The following MBP variants were observed in gnomAD, a reference collection of about 807,000 sequenced individuals.
MBP encodes Golli-MBP.
MBP carries 16 observed loss-of-function variants against 35.8 expected under a neutral mutation model. The ratio of observed to expected loss-of-function variants is 0.45; its 90% CI spans 0.30 to 0.68. The LOEUF is 0.68. Among genes scored for constraint, MBP ranks in the 30% least tolerant of loss-of-function variants. The pLI is 0.08. For missense variants in MBP, 380 were observed against 404.7 expected (o/e 0.94, Z 0.52); for synonymous variants, 143 against 159.6 (o/e 0.90, Z 0.78).
chr18:76,997,842 C>T (rs1013179515), intron 4 of MBP, among the ~76,000 whole-genome samples: 12 of 152,274 alleles, frequency 7.9e-5, no homozygotes, highest in African/African-American at 2.2e-4. Flanking sequence ...CCACCACGCC[C>T]GGCTGATTTT....
chr18:76,997,715 CTT>C (rs1186565221), intron 4 of MBP, among the ~76,000 whole-genome samples: 7 of 150,912 alleles, frequency 4.6e-5, no homozygotes, highest in East Asian at 2.0e-4. Context: ...CGGAGTCTCA[CTT>C]TGTCCCCCAG....
Position 76,989,585 on chromosome 18 carries a change from GA to G in MBP, c.681+370del. The G allele has an allele frequency of 3.7e-6, 1 of 269,402 alleles. No individual in the cohort carries two copies. Among genetic ancestry groups the G allele is most frequent in the Non-Finnish European group, 7.2e-6 (1 of 138,464 alleles). 16.7% of individuals were successfully genotyped at this position (269,402 alleles called of 1,614,324 possible). A position where few individuals can be genotyped will look rare whatever the true frequency, so the allele number is the denominator to read the frequency against. ...CCTCGACAGAGCGGTTTCGCTGCCCGAAAAATGCCCTAAAAATGCCCTGTGC... is the reference window on the plus strand; with the variant it reads ...CCTCGACAGAGCGGTTTCGCTGCCCGAAAATGCCCTAAAAATGCCCTGTGC... On this transcript the variant is annotated intron_variant, in intron 5 of 8. Coordinates refer to ENST00000355994, the MANE Select transcript of MBP (RefSeq NM_001025101.2). The surrounding 1 kb of genome is among the most constrained non-coding windows in gnomAD (Gnocchi z 4.0).
chr18:77,008,280 G>A (rs1468516105), intron 4 of MBP, among the ~76,000 whole-genome samples: 1 of 152,118 alleles, frequency 6.6e-6, no homozygotes, highest in Non-Finnish European at 1.5e-5. Flanking sequence ...GGCAGGGGCT[G>A]GTGCATGCAG....
chr18:76,988,777 C>A lies in MBP; in HGVS notation c.717+100G>T. ...CTGGCAACACGTTTTGGGATGGATT[C>A]TGGTAGCTCGGAGCCTAACTCTCTC... On this transcript the variant is annotated intron_variant, in intron 6 of 8. Coordinates refer to ENST00000355994, the MANE Select transcript of MBP (RefSeq NM_001025101.2). This position sits in a 1 kb window ranked among gnomAD's most constrained non-coding sequence, Gnocchi z 5.2. 7.0e-7 allele frequency: 1 copy of A among 1,437,478 alleles called. No individual in the cohort carries two copies. The highest frequency in any genetic ancestry group is 1.9e-5 in the Admixed American group (1 of 51,458). The allele number at this position is 1,437,478 out of a possible 1,614,324, so 89.0% of individuals were successfully genotyped here.
chr18:77,022,203 C>T (rs887830585), intron 3 of MBP, among the ~76,000 whole-genome samples: 1 of 152,152 alleles, frequency 6.6e-6, no homozygotes, highest in Admixed American at 6.5e-5. Context: ...ACATACATTA[C>T]AGATGTTTGC....
chr18:77,039,413 C>A (rs747221704), intron 3 of MBP, among the ~76,000 whole-genome samples: 2 of 152,148 alleles, frequency 1.3e-5, no homozygotes, highest in Non-Finnish European at 2.9e-5. Context: ...ACTATTTGCA[C>A]TGTTGAAGCT....
chr18:76,995,360 C>T (rs570065593), intron 4 of MBP, among the ~76,000 whole-genome samples: 10 of 152,120 alleles, frequency 6.6e-5, no homozygotes, highest in African/African-American at 1.7e-4. Context: ...TATGGAAATC[C>T]GAGGGAGCAA....
chr18:77,037,347 A>T (rs1371069403), intron 3 of MBP, among the ~76,000 whole-genome samples: 1 of 152,232 alleles, frequency 6.6e-6, no homozygotes, highest in Non-Finnish European at 1.5e-5. Flanking sequence ...AGAGCTGAGC[A>T]AGTGCTGGTC....
At chr18:77,050,720 A>G (rs1009269299) in intron 3 of MBP, among the ~76,000 whole-genome samples, 3 of 152,072 alleles carry the variant, frequency 2.0e-5, no homozygotes, top group Non-Finnish European at 4.4e-5. Context: ...TAATTTTTGT[A>G]TTTTTAGTAC....
intron 3 of MBP, among the ~76,000 whole-genome samples, chr18:77,055,011 T>C (rs1424440115): frequency 6.6e-6 from 1 of 152,180 alleles, no homozygotes; most frequent in Non-Finnish European, 1.5e-5. Flanking sequence ...GAATTCAGTA[T>C]CATAAAGGTA....
intron 8 of MBP, 100 bp downstream of exon 8, chr18:76,984,675 G>T: frequency 1.3e-6 from 2 of 1,541,244 alleles, no homozygotes; most frequent in Non-Finnish European, 1.8e-6. Context: ...GGTACAGTGC[G>T]GCTGAGCCAG....
intron 2 of MBP, among the ~76,000 whole-genome samples, chr18:77,084,536 T>C (rs934666866): frequency 4.6e-5 from 7 of 151,564 alleles, no homozygotes; most frequent in Admixed American, 4.6e-4. Context: ...CCCTTGCTAT[T>C]GATCCTTGTA....
At chr18:76,996,079 A>G (rs957514437) in intron 4 of MBP, among the ~76,000 whole-genome samples, 1 of 152,238 alleles carries the variant, frequency 6.6e-6, no homozygotes, top group Non-Finnish European at 1.5e-5. Context: ...GAATAAGCAG[A>G]TGAAAAGATG....
chr18:77,127,256 A>G (rs1977079767), intron 1 of MBP: 2 of 152,238 alleles, frequency 1.3e-5, no homozygotes, highest in Non-Finnish European at 2.9e-5. Context: ...TTTTTAGCAA[A>G]GGTGCAAAAG....
chr18:77,084,689 T>C (rs1975151567), intron 2 of MBP, among the ~76,000 whole-genome samples: 3 of 152,140 alleles, frequency 2.0e-5, no homozygotes, highest in African/African-American at 4.8e-5. Context: ...TAGATAAACA[T>C]GGTTTTTTAG....
At chr18:77,088,343 C>T (rs144249369) in intron 2 of MBP, among the ~76,000 whole-genome samples, 7 of 152,254 alleles carry the variant, frequency 4.6e-5, no homozygotes, top group Non-Finnish European at 1.0e-4. Flanking sequence ...AGGACCCATC[C>T]ATGAAGGAGG....
intron 3 of MBP, among the ~76,000 whole-genome samples, chr18:77,052,924 C>T (rs958471780): frequency 6.6e-5 from 10 of 152,248 alleles, no homozygotes; most frequent in African/African-American, 2.4e-4. Flanking sequence ...GCCGTCCTAA[C>T]CTACTCCCTC....
intron 3 of MBP, among the ~76,000 whole-genome samples, chr18:77,018,455 C>T (rs1009206663): frequency 7.2e-6 from 1 of 139,772 alleles, no homozygotes; most frequent in Non-Finnish European, 1.6e-5. Context: ...TCCATCAATT[C>T]ATCCATTCGT....
chr18:77,012,786 A>T (rs1407019132), intron 4 of MBP: 3 of 985,390 alleles, frequency 3.0e-6, no homozygotes, highest in Non-Finnish European at 3.6e-6. Context: ...CAATTAGTAC[A>T]CTGTCCTTGG....
Sources: allele counts gnomAD v4.1 joint callset (sites outside exome capture counted in the v4.1 genomes callset), GRCh38; gene constraint gnomAD v4.1.1; non-coding constraint Gnocchi (gnomAD v3.1); transcripts MANE v1.5; gene names NCBI Gene and HGNC (gene_info 2026-07-23, HGNC 2026-07-21).